The following PRKG1 variants were observed in gnomAD, a reference collection of about 807,000 sequenced individuals.
PRKG1 encodes the protein cGMP-dependent protein kinase 1.
PRKG1 carries 35 observed loss-of-function variants against 88.1 expected under a neutral mutation model. The observed-to-expected ratio is 0.40, with a 90% CI of 0.30 to 0.53. The LOEUF is 0.53. PRKG1 is among the 20% of genes least tolerant of loss of function. The pLI is 0.59. For synonymous variants in PRKG1, 303 were observed against 292.5 expected (o/e 1.04, Z -0.37); for missense variants, 540 against 839.8 (o/e 0.64, Z 4.41).
At chr10:51,665,682 T>A (rs1463648233) in intron 3 of PRKG1, among the ~76,000 whole-genome samples, 2 of 152,248 alleles carry the variant, frequency 1.3e-5, no homozygotes, top group South Asian at 2.1e-4. Flanking sequence ...ATTTTTATTT[T>A]TTTTTTGTCT....
chr10:51,208,121 T>C (rs773501401), intron 2 of PRKG1, among the ~76,000 whole-genome samples: 2 of 152,178 alleles, frequency 1.3e-5, no homozygotes, highest in Non-Finnish European at 1.5e-5. Context: ...ATAGTTTAAA[T>C]GTATGTTATT....
At chr10:52,149,986 A>G (rs922860279) in intron 8 of PRKG1, among the ~76,000 whole-genome samples, 13 of 151,752 alleles carry the variant, frequency 8.6e-5, no homozygotes, top group Admixed American at 5.9e-4. Context: ...TGTCTGTACT[A>G]AAAATACAAA....
chr10:51,779,219 C>T (rs1838521207), intron 3 of PRKG1, among the ~76,000 whole-genome samples: 1 of 152,098 alleles, frequency 6.6e-6, no homozygotes, highest in African/African-American at 2.4e-5. Flanking sequence ...TACAAGAATT[C>T]CTTATATGGT....
At chr10:51,139,549 A>T (rs1845774213) in intron 1 of PRKG1, among the ~76,000 whole-genome samples, 1 of 152,178 alleles carries the variant, frequency 6.6e-6, no homozygotes, top group South Asian at 2.1e-4. Flanking sequence ...TTTAAGAACC[A>T]GTTACTTGTC....
chr10:51,390,996 A>T (rs1194365331), intron 2 of PRKG1, among the ~76,000 whole-genome samples: 3 of 152,184 alleles, frequency 2.0e-5, no homozygotes, highest in Non-Finnish European at 4.4e-5. Flanking sequence ...TAGTCTTCGT[A>T]AACATCATTT....
chr10:51,679,902 T>A (rs150955028), intron 3 of PRKG1, among the ~76,000 whole-genome samples: 1 of 112,296 alleles, frequency 8.9e-6, no homozygotes, highest in East Asian at 2.9e-4. Context: ...GTCCCCAGAG[T>A]GTGATATAAC....
At chr10:51,164,230 C>T (rs1378599221) in intron 2 of PRKG1, among the ~76,000 whole-genome samples, 2 of 152,178 alleles carry the variant, frequency 1.3e-5, no homozygotes, top group Non-Finnish European at 2.9e-5. Flanking sequence ...CAGCAGCATT[C>T]ACGGTTCACG....
chr10:51,789,062 A>G (rs1227026583), intron 3 of PRKG1, among the ~76,000 whole-genome samples: 2 of 152,198 alleles, frequency 1.3e-5, no homozygotes, highest in Admixed American at 6.6e-5. Context: ...GGTTATTAGC[A>G]TGACTTTTTA....
chr10:51,442,868 GT>G (rs1396363848), intron 2 of PRKG1, among the ~76,000 whole-genome samples: 86 of 152,096 alleles, frequency 5.7e-4, no homozygotes, highest in African/African-American at 1.9e-3. Context: ...AGTTCTGTGG[GT>G]TACCTGGATT....
intron 4 of PRKG1, among the ~76,000 whole-genome samples, chr10:51,837,817 A>G (rs1407687239): frequency 6.6e-6 from 1 of 152,154 alleles, no homozygotes; most frequent in Non-Finnish European, 1.5e-5. Context: ...GCAAATACTG[A>G]TTAGATGGTT....
At chr10:51,357,473 T>C (rs529386059) in intron 2 of PRKG1, among the ~76,000 whole-genome samples, 1 of 152,088 alleles carries the variant, frequency 6.6e-6, no homozygotes, top group African/African-American at 2.4e-5. Flanking sequence ...TTCTCTGAAA[T>C]CTTTTGGCAG....
chr10:51,605,081 G>A (rs939446073), intron 3 of PRKG1, among the ~76,000 whole-genome samples: 7 of 152,112 alleles, frequency 4.6e-5, no homozygotes, highest in South Asian at 2.1e-4. Flanking sequence ...CCCTGGAGTC[G>A]GGCCGCCCAA....
At chr10:51,796,801 T>C (rs76849986) in intron 3 of PRKG1, among the ~76,000 whole-genome samples, 7,273 of 152,094 alleles carry the variant, frequency 0.048, 285 homozygotes, top group Middle Eastern at 0.085. Flanking sequence ...AAGACCTAGT[T>C]AGGACAAAAA....
At chr10:51,107,669 G>A (rs918844053) in intron 1 of PRKG1, among the ~76,000 whole-genome samples, 1 of 151,568 alleles carries the variant, frequency 6.6e-6, no homozygotes, top group Non-Finnish European at 1.5e-5. Context: ...ACAAAAAACT[G>A]AAAATATAGC....
chr10:52,112,540 A>AAACACAT (rs1354402382), intron 7 of PRKG1, among the ~76,000 whole-genome samples: 1 of 152,192 alleles, frequency 6.6e-6, no homozygotes, highest in Non-Finnish European at 1.5e-5. Context: ...AATCCATTGA[A>AAACACAT]AACACATAGG....
chr10:51,970,811 A>ATG (rs1843696341), intron 5 of PRKG1, among the ~76,000 whole-genome samples: 1 of 142,240 alleles, frequency 7.0e-6, no homozygotes, highest in African/African-American at 2.6e-5. Flanking sequence ...ATATCAGATG[A>ATG]TGTGTATATA....
At chr10:51,113,728 T>TAAAAA (rs59764267) in intron 1 of PRKG1, among the ~76,000 whole-genome samples, 106 of 92,388 alleles carry the variant, frequency 1.1e-3, no homozygotes, top group African/African-American at 2.4e-3. Flanking sequence ...GCATTCTATT[T>TAAAAA]AAAAAAAAAA....
intron 4 of PRKG1, among the ~76,000 whole-genome samples, chr10:51,838,658 A>G (rs1397098155): frequency 6.6e-6 from 1 of 152,112 alleles, no homozygotes; most frequent in Non-Finnish European, 1.5e-5. Context: ...TTTTGTCTTT[A>G]GTAATGAAAG....
In PRKG1 at chr10:51,437,363, G is replaced by A. The variant is rs1838963129; in HGVS notation, c.479-30360G>A. Among the ~76,000 whole-genome samples, 7 of 151,922 alleles carry A rather than the reference G, an allele frequency of 4.6e-5. No homozygotes were observed. In the South Asian group the frequency reaches 1.4e-3, roughly 31 times the overall value. On this transcript the variant is annotated intron_variant, in intron 2 of 17. Transcript: ENST00000373980. ...AGGCTCAAATGAGATATACACACGGGCAAACATCTTTAAGTTGACCAATGC... is the reference window on the plus strand; with the variant it reads ...AGGCTCAAATGAGATATACACACGGACAAACATCTTTAAGTTGACCAATGC...
Sources: allele counts gnomAD v4.1 joint callset (sites outside exome capture counted in the v4.1 genomes callset), GRCh38; gene constraint gnomAD v4.1.1; transcripts MANE v1.5; gene names NCBI Gene and HGNC (gene_info 2026-07-23, HGNC 2026-07-21).